Variants in USP54 observed in about 807,000 individuals in gnomAD.
USP54 encodes the protein ubiquitin carboxyl-terminal hydrolase 54.
In USP54, 87 loss-of-function variants were observed where a neutral mutation model predicts 170.5. The ratio of observed to expected loss-of-function variants is 0.51; its 90% CI spans 0.43 to 0.61. The LOEUF (loss-of-function observed/expected upper bound fraction) is 0.61. Among genes scored for constraint, USP54 ranks in the 20% least tolerant of loss-of-function variants. The pLI, the probability that USP54 is intolerant of heterozygous loss-of-function variation, is 0.00. For missense variants in USP54, 1,786 were observed against 2,047.8 expected, an observed-to-expected ratio of 0.87 and a Z score of 2.47; for synonymous variants, 655 against 742.8, an observed-to-expected ratio of 0.88 and a Z score of 1.92.
At chr10:73,583,457 T>C (rs1299595457) in intron 1 of USP54, among the ~76,000 whole-genome samples, 1 of 152,146 alleles carries the variant, frequency 6.6e-6, no homozygotes, top group Non-Finnish European at 1.5e-5. Flanking sequence ...AGCTAATTTT[T>C]GTATTTTCAG....
At chr10:73,528,763 C>A (rs557449682) in intron 15 of USP54, among the ~76,000 whole-genome samples, 1 of 152,120 alleles carries the variant, frequency 6.6e-6, no homozygotes, top group African/African-American at 2.4e-5. Flanking sequence ...GGATTACAGG[C>A]GTGAGCCAAC....
chr10:73,545,382 C>T (rs1255737592), intron 5 of USP54, among the ~76,000 whole-genome samples, 156 bp downstream of exon 5: 2 of 152,118 alleles, frequency 1.3e-5, no homozygotes, highest in African/African-American at 4.8e-5. Flanking sequence ...ACTGCTATAA[C>T]AGAGACATTT....
upstream of USP54, among the ~76,000 whole-genome samples, chr10:73,596,111 C>CAA (rs1014121086): frequency 1.6e-5 from 2 of 124,840 alleles, no homozygotes; most frequent in African/African-American, 2.9e-5. Context: ...GACTCCATCT[C>CAA]AAAAAAAAAA....
At chr10:73,528,774 ATGCC>A (rs2063454805) in intron 15 of USP54, among the ~76,000 whole-genome samples, 1 of 152,144 alleles carries the variant, frequency 6.6e-6, no homozygotes, top group Non-Finnish European at 1.5e-5. Flanking sequence ...GTGAGCCAAC[ATGCC>A]TGACCTAATC....
chr10:73,611,469 T>C (rs554731156), intron 1 of USP54: 4 of 151,952 alleles, frequency 2.6e-5, no homozygotes, highest in African/African-American at 7.2e-5. Context: ...GGCAACATAG[T>C]GAGAACCCAG....
At position 73,517,034 on chromosome 10, in the gene USP54, GA is replaced by G. The variant is rs755172776; in HGVS notation, c.3391del (p.Ser1131LeufsTer14). 16 of 1,614,090 alleles carry G rather than the reference GA, an allele frequency of 9.9e-6. No individual in the cohort carries two copies. Among genetic ancestry groups the G allele is most frequent in the Non-Finnish European group, 1.4e-5 (16 of 1,180,052 alleles). On this transcript the variant is annotated frameshift_variant, in exon 20 of 24. Transcript: ENST00000687698. LOFTEE classifies it high-confidence loss of function. Reference protein sequence around the residue: ...EFPSTKGLVRSLAEQFQRMQG... With the variant: ...EFPSTKGLVRXLAEQFQRMQG... ...CATCCTCTGGAACTGCTCAGCCAGA[GA>G]ACGGACAAGCCCCTTTGTGCTGGGA...
chr10:73,517,241 G>A lies in USP54; in HGVS notation c.3185C>T (p.Ala1062Val), dbSNP rs748602458. The A allele has an allele frequency of 3.7e-6, 6 of 1,614,192 alleles. No homozygotes were observed. The highest frequency in any genetic ancestry group is 1.3e-5 in the African/African-American group (1 of 75,056). Residue 1062 changes from alanine to valine, a missense_variant, in exon 20 of 24, where the codon GCT becomes GTT. Physicochemically the swap from Ala to Val is moderately conservative, Grantham distance 64. Transcript: ENST00000687698. Reference sequence around the variant, plus strand: ...TCTATACAGGGGAAGGCTGGGCTGAGCTGATGAATTTGAAGGACTACAGCC... The same window carrying A: ...TCTATACAGGGGAAGGCTGGGCTGAACTGATGAATTTGAAGGACTACAGCC... Reference protein sequence around the residue: ...SLGCSPSNSSAQPSLPLYRTC... With the variant: ...SLGCSPSNSSVQPSLPLYRTC...
rs985255927 is a variant in USP54 at position 73,624,049 on chromosome 10, T to G, written c.-18+1518A>C. On this transcript the variant is annotated intron_variant, in intron 1 of 22. Transcript: ENST00000339859. The stretch of plus-strand genomic sequence containing the variant: ...TTGCATCAGAAAAGCACTTCTACTT[T>G]AATGTTTAGCTGCTGACATTACAAA... Among the ~76,000 whole-genome samples the G allele has an allele frequency of 3.3e-5, 5 of 151,574 alleles. No homozygotes were observed. The East Asian group carries it at 9.7e-4, about 29-fold the overall frequency.
chr10:73,577,137 T>C (rs1000903384), intron 1 of USP54, among the ~76,000 whole-genome samples: 3 of 152,178 alleles, frequency 2.0e-5, no homozygotes, highest in African/African-American at 7.2e-5. Flanking sequence ...CAGCTTTAAG[T>C]TTTCCTATAA....
Position 73,541,718 on chromosome 10 carries a change from A to C in USP54, c.593T>G (p.Leu198Arg). Residue 198 changes from leucine to arginine, a missense_variant, in exon 8 of 24, where the codon CTG (leucine) becomes CGG (arginine). Physicochemically the swap from Leu to Arg is moderately radical, Grantham distance 102 (BLOSUM62 -2). Coordinates refer to ENST00000687698, the MANE Select transcript of USP54 (RefSeq NM_001391956.1). ...TSLCNQAICM[L>R]ERREKPSPSM... ...TGGTGAAGGTTTCTCTCGTCTTTCC[A>C]GCATACAAATAGCCTGATTGCTTCA... 6.2e-7 allele frequency: 1 copy of C among 1,614,158 alleles called. No individual in the cohort carries two copies. The highest frequency in any genetic ancestry group is 8.5e-7 in the Non-Finnish European group (1 of 1,180,032).
Position 73,539,151 on chromosome 10 carries a change from C to T in USP54, c.975+293G>A, listed in dbSNP as rs571438493. 5.9e-5 allele frequency among the ~76,000 whole-genome samples: 9 copies of T among 151,390 alleles called. 1 individual carries two copies. Among genetic ancestry groups the T allele is most frequent in the Non-Finnish European group, 4.4e-5 (3 of 67,812 alleles). ...AAAATTAGCCAGGTGTGGTAGCATGCGCATGTACTCCCAGCTACTCAGGAG... is the reference window on the plus strand; with the variant it reads ...AAAATTAGCCAGGTGTGGTAGCATGTGCATGTACTCCCAGCTACTCAGGAG... On this transcript the variant is annotated intron_variant, in intron 10 of 23. Transcript: ENST00000687698.
At chr10:73,587,018 C>G (rs1285420840) in intron 1 of USP54, among the ~76,000 whole-genome samples, 52 of 151,986 alleles carry the variant, frequency 3.4e-4, no homozygotes, top group Non-Finnish European at 8.8e-5. Context: ...GGAAAGAAAA[C>G]AAAAAGGCAC....
At chr10:73,624,173 TATATATATATATATATATATATGTA>T (rs1380096422) in intron 1 of USP54, among the ~76,000 whole-genome samples, 4 of 112,662 alleles carry the variant, frequency 3.6e-5, no homozygotes, top group African/African-American at 1.2e-4. Context: ...TATATATATA[TATATATATATATATATATATATGTA>T]TTTTTTTTTT....
At chr10:73,541,264 C>A in intron 9 of USP54, 111 bp downstream of exon 9, 1 of 1,473,154 alleles carries the variant, frequency 6.8e-7, no homozygotes, top group Non-Finnish European at 9.2e-7. Flanking sequence ...CTGTCCAAAA[C>A]ATTATAATAC....
chr10:73,543,829 T>G (rs938671904), intron 5 of USP54, among the ~76,000 whole-genome samples: 1 of 152,170 alleles, frequency 6.6e-6, no homozygotes, highest in Admixed American at 6.5e-5. Context: ...ATGCTAACCA[T>G]TTAGAGCCTT....
At chr10:73,583,412 A>T (rs1012251693) in intron 1 of USP54, among the ~76,000 whole-genome samples, 2 of 152,168 alleles carry the variant, frequency 1.3e-5, no homozygotes, top group Non-Finnish European at 2.9e-5. Flanking sequence ...CAGCCTCTGG[A>T]GTAGCTGGGA....
chr10:73,519,678 T>G, intron 19 of USP54, 119 bp downstream of exon 19: 1 of 1,456,102 alleles, frequency 6.9e-7, no homozygotes, highest in Non-Finnish European at 9.2e-7. Flanking sequence ...GAAGAAAATC[T>G]TTTCAGAGGA....
chr10:73,605,223 C>G (rs2079527097), intron 1 of USP54, among the ~76,000 whole-genome samples: 1 of 152,166 alleles, frequency 6.6e-6, no homozygotes, highest in Non-Finnish European at 1.5e-5. Flanking sequence ...CGCCACCATG[C>G]CTGGCTAATT....
At chr10:73,556,052 T>C (rs1356365659) in intron 4 of USP54, among the ~76,000 whole-genome samples, 1 of 152,182 alleles carries the variant, frequency 6.6e-6, no homozygotes, top group African/African-American at 2.4e-5. Context: ...CATATAAATA[T>C]GCTCATATTC....
Sources: allele counts gnomAD v4.1 joint callset (sites outside exome capture counted in the v4.1 genomes callset), GRCh38; gene constraint gnomAD v4.1.1; transcripts MANE v1.5; gene names NCBI Gene and HGNC (gene_info 2026-07-23, HGNC 2026-07-21).